CCDC148: variants seen among roughly 807,000 people sequenced by gnomAD.
CCDC148 encodes the protein coiled-coil domain containing 148.
Under a neutral mutation model 85.7 loss-of-function variants are expected in CCDC148, and 89 were observed. The ratio of observed to expected loss-of-function variants is 1.04; its 90% CI spans 0.87 to 1.24. The LOEUF is 1.24. Among genes scored for constraint, CCDC148 ranks in the 50% most tolerant of loss-of-function variants. The pLI is 0.00. For missense variants in CCDC148, 692 were observed against 671.7 expected, an observed-to-expected ratio of 1.03 and a Z score of -0.33; for synonymous variants, 230 against 213.9, an observed-to-expected ratio of 1.08 and a Z score of -0.66.
At chr2:158,305,046 A>C (rs527496283) in intron 9 of CCDC148, among the ~76,000 whole-genome samples, 1 of 152,148 alleles carries the variant, frequency 6.6e-6, no homozygotes, top group Non-Finnish European at 1.5e-5. Flanking sequence ...GCTCACAAAA[A>C]AAATATCAGA....
rs933564103 is a variant in CCDC148 at position 158,307,115 on chromosome 2, T to C, written c.1110+2318A>G. 4.6e-5 allele frequency among the ~76,000 whole-genome samples: 7 copies of C among 152,054 alleles called. No individual in the cohort carries two copies. In the South Asian group the frequency reaches 1.4e-3, roughly 31 times the overall value. ...CTTCATTAAAATTAAGAAGTTTTGT[T>C]CATTTAAAGATGCCATTAAGAGAAG... is the stretch of plus-strand genomic sequence containing the variant. On this transcript the variant is annotated intron_variant, in intron 9 of 13. Transcript: ENST00000283233.
At chr2:158,191,459 G>A (rs139129565) in intron 11 of CCDC148, among the ~76,000 whole-genome samples, 1 of 152,020 alleles carries the variant, frequency 6.6e-6, no homozygotes, top group Non-Finnish European at 1.5e-5. Context: ...AAGAAAGTCA[G>A]TGGAGCAGAA....
intron 9 of CCDC148, among the ~76,000 whole-genome samples, chr2:158,306,826 A>C (rs764470131): frequency 9.3e-4 from 103 of 110,828 alleles, no homozygotes; most frequent in Admixed American, 1.7e-3. Flanking sequence ...TTAGAGTATA[A>C]TAATAAAAAA....
intron 1 of CCDC148, among the ~76,000 whole-genome samples, chr2:158,439,708 T>C (rs1019328592): frequency 6.6e-6 from 1 of 151,988 alleles, no homozygotes; most frequent in African/African-American, 2.4e-5. Flanking sequence ...AAAGAAAGGG[T>C]AGACTATTTG....
intron 9 of CCDC148, among the ~76,000 whole-genome samples, chr2:158,294,043 TC>T (rs1343032472): frequency 4.2e-5 from 4 of 96,352 alleles, no homozygotes; most frequent in Admixed American, 2.3e-4. Context: ...CTTCCTTCCT[TC>T]CTTCCTTCCT....
chr2:158,434,930 A>G (rs1687565236), intron 1 of CCDC148, among the ~76,000 whole-genome samples: 1 of 152,222 alleles, frequency 6.6e-6, no homozygotes, highest in Non-Finnish European at 1.5e-5. Context: ...TTACAGACAA[A>G]AGAGTAAAAA....
At chr2:158,396,119 C>T (rs575819093) in intron 1 of CCDC148, among the ~76,000 whole-genome samples, 1 of 152,188 alleles carries the variant, frequency 6.6e-6, no homozygotes, top group East Asian at 1.9e-4. Context: ...AGAGAGGTAA[C>T]ACATCAGGCC....
At chr2:158,253,514 C>T (rs1212503565) in intron 9 of CCDC148, among the ~76,000 whole-genome samples, 1 of 151,592 alleles carries the variant, frequency 6.6e-6, no homozygotes, top group African/African-American at 2.4e-5. Flanking sequence ...ACTGACCATA[C>T]CATAACTGCT....
intron 8 of CCDC148, among the ~76,000 whole-genome samples, chr2:158,311,474 C>T (rs938153705): frequency 6.6e-6 from 1 of 151,844 alleles, no homozygotes; most frequent in African/African-American, 2.4e-5. Flanking sequence ...GAGATGGAGA[C>T]GAGGGAGAGG....
intron 9 of CCDC148, among the ~76,000 whole-genome samples, chr2:158,300,669 T>A (rs1257137252): frequency 6.6e-6 from 1 of 151,370 alleles, no homozygotes; most frequent in Non-Finnish European, 1.5e-5. Flanking sequence ...AGAGGTAGAG[T>A]GAGAGTGAAT....
chr2:158,420,505 A>T (rs1686721905), intron 1 of CCDC148, among the ~76,000 whole-genome samples: 1 of 152,194 alleles, frequency 6.6e-6, no homozygotes, highest in African/African-American at 2.4e-5. Context: ...TAAATGAAGG[A>T]GAAATAAAAT....
chr2:158,224,661 A>G (rs1421828133), intron 10 of CCDC148, among the ~76,000 whole-genome samples: 3 of 152,234 alleles, frequency 2.0e-5, no homozygotes, highest in African/African-American at 7.2e-5. Context: ...ACATTCTTAA[A>G]GAAAAGAATT....
At position 158,340,273 on chromosome 2, in the gene CCDC148, A is replaced by G. The variant is rs192081802; in HGVS notation, c.455T>C (p.Ile152Thr). Reference protein sequence around the residue: ...HHTLQHSHPHIEFNSMKVLEE... With the variant: ...HHTLQHSHPHTEFNSMKVLEE... ...CAATACTTTCATGGAGTTAAACTCA[A>G]TATGTGGGTGTGAATGCTGCAAAGT... Residue 152 changes from isoleucine to threonine, a missense_variant, in exon 5 of 14, where the codon ATT becomes ACT. Ile to Thr is a moderately conservative substitution (Grantham distance 89). Transcript: ENST00000283233. 2.5e-6 allele frequency: 4 copies of G among 1,613,988 alleles called. No individual in the cohort carries two copies. The highest frequency in any genetic ancestry group is 2.2e-5 in the East Asian group (1 of 44,828).
Position 158,171,146 on chromosome 2 carries a change from A to C in CCDC148, c.*967T>G, listed in dbSNP as rs1684310977. ...TCCATGATGTTGGGGACAATCATAA[A>C]GTCAAAGATTCCACTAGTTGGATTG... On this transcript the variant is annotated 3_prime_UTR_variant, in exon 14 of 14. Coordinates refer to ENST00000283233, the MANE Select transcript of CCDC148 (RefSeq NM_138803.4). The C allele has an allele frequency of 6.6e-6, 1 of 150,592 alleles. No individual in the cohort carries two copies. 9.3% of individuals were successfully genotyped at this position (150,592 alleles called of 1,614,324 possible). A position where few individuals can be genotyped will look rare whatever the true frequency, so the allele number is the denominator to read the frequency against.
intron 7 of CCDC148, among the ~76,000 whole-genome samples, chr2:158,332,504 C>A (rs555631419): frequency 2.3e-5 from 3 of 132,378 alleles, no homozygotes; most frequent in Non-Finnish European, 3.3e-5. Flanking sequence ...CTTTTTTTGT[C>A]GTGTCTCTGC....
intron 9 of CCDC148, among the ~76,000 whole-genome samples, chr2:158,299,101 A>G (rs956127206): frequency 1.3e-5 from 2 of 152,122 alleles, no homozygotes; most frequent in Non-Finnish European, 2.9e-5. Context: ...TTATAATCCT[A>G]GAGTACAGCC....
At chr2:158,325,429 C>G (rs954572059) in intron 7 of CCDC148, among the ~76,000 whole-genome samples, 1 of 152,148 alleles carries the variant, frequency 6.6e-6, no homozygotes, top group African/African-American at 2.4e-5. Flanking sequence ...TCTCAGTGTC[C>G]TTTGTTGGCT....
chr2:158,248,122 T>C (rs1688642695), intron 10 of CCDC148, among the ~76,000 whole-genome samples: 1 of 151,406 alleles, frequency 6.6e-6, no homozygotes, highest in African/African-American at 2.4e-5. Flanking sequence ...CAGAATGACA[T>C]AGCATGATAG....
At chr2:158,179,479 C>A (rs780634124) in intron 11 of CCDC148, among the ~76,000 whole-genome samples, 1 of 151,888 alleles carries the variant, frequency 6.6e-6, no homozygotes, top group Non-Finnish European at 1.5e-5. Flanking sequence ...TACAGGAAAG[C>A]GTGGGAGTAA....
Sources: allele counts gnomAD v4.1 joint callset (sites outside exome capture counted in the v4.1 genomes callset), GRCh38; gene constraint gnomAD v4.1.1; transcripts MANE v1.5; gene names NCBI Gene and HGNC (gene_info 2026-07-23, HGNC 2026-07-21).